The following CIAPIN1 variants were observed in gnomAD, a reference collection of about 807,000 sequenced individuals.
The protein encoded by CIAPIN1 is anamorsin.
CIAPIN1 carries 18 observed loss-of-function variants against 34.3 expected under a neutral mutation model. The observed-to-expected ratio is 0.52, with a 90% CI of 0.36 to 0.78. CIAPIN1 has a LOEUF of 0.78. Among genes scored for constraint, CIAPIN1 ranks in the 30% least tolerant of loss-of-function variants. The pLI is 0.00. For missense variants in CIAPIN1, 310 were observed against 372.5 expected, an observed-to-expected ratio of 0.83 and a Z score of 1.38; for synonymous variants, 131 against 140.4, an observed-to-expected ratio of 0.93 and a Z score of 0.47.
intron 1 of CIAPIN1, among the ~76,000 whole-genome samples, chr16:57,444,950 A>C (rs1173678288): frequency 6.6e-6 from 1 of 152,104 alleles, no homozygotes; most frequent in Non-Finnish European, 1.5e-5. Flanking sequence ...TACCTCTCCA[A>C]CTCTGACTGA....
At chr16:57,432,645 G>A in intron 5 of CIAPIN1, 85 bp from the exon 6 acceptor site, 4 of 1,254,822 alleles carry the variant, frequency 3.2e-6, no homozygotes, top group Non-Finnish European at 3.4e-6. Context: ...TTCCTGCTGT[G>A]TAGAAGAGAA....
At chr16:57,431,815 C>T (rs1321516139) in intron 6 of CIAPIN1, among the ~76,000 whole-genome samples, 3 of 152,168 alleles carry the variant, frequency 2.0e-5, no homozygotes, top group African/African-American at 4.8e-5. Context: ...AAATGAAGAA[C>T]TTTATTACAG....
At chr16:57,440,190 C>T (rs1356764564) in intron 2 of CIAPIN1, among the ~76,000 whole-genome samples, 5 of 152,176 alleles carry the variant, frequency 3.3e-5, no homozygotes, top group African/African-American at 1.2e-4. Context: ...ACTCCCAGGC[C>T]TGTTAGGACG....
At chr16:57,433,723 T>G in intron 5 of CIAPIN1, 1 of 346,380 alleles carries the variant, frequency 2.9e-6, no homozygotes, top group Non-Finnish European at 5.6e-6. Flanking sequence ...CTGTGAGGTC[T>G]TCTGAGGAGA....
intron 8 of CIAPIN1, 83 bp from the exon 9 acceptor site, chr16:57,429,363 G>T: frequency 1.2e-6 from 1 of 851,870 alleles, no homozygotes; most frequent in Non-Finnish European, 2.0e-6. Context: ...ATTTCATAAT[G>T]TGGCCACAGT....
Position 57,441,138 on chromosome 16 carries a change from C to A in CIAPIN1, c.-55-155G>T, listed in dbSNP as rs571285518. 45 of 394,598 alleles carry A rather than the reference C, an allele frequency of 1.1e-4. No homozygotes were observed. The South Asian group carries it at 2.5e-3, about 22-fold the overall frequency. 24.4% of individuals were successfully genotyped at this position (394,598 alleles called of 1,614,324 possible). A position where few individuals can be genotyped will look rare whatever the true frequency, so the allele number is the denominator to read the frequency against. ...TCTGAATACATGAACCCCATTATCT[C>A]AAGTCTTCATAAGCCCAACATTCCC... On this transcript the variant is annotated intron_variant, in intron 1 of 8. Coordinates refer to ENST00000394391, the MANE Select transcript of CIAPIN1 (RefSeq NM_020313.4).
intron 4 of CIAPIN1, among the ~76,000 whole-genome samples, chr16:57,435,838 A>G (rs923146980): frequency 6.6e-6 from 1 of 151,924 alleles, no homozygotes; most frequent in Non-Finnish European, 1.5e-5. Flanking sequence ...AAGGCCCTAC[A>G]TTATGTAAGA....
intron 4 of CIAPIN1, among the ~76,000 whole-genome samples, chr16:57,435,725 C>T (rs957440262): frequency 1.6e-4 from 24 of 152,214 alleles, no homozygotes; most frequent in African/African-American, 5.5e-4. Context: ...ACCCAGGAGG[C>T]GGATGATGCA....
In CIAPIN1 at chr16:57,428,465, G is replaced by T. The variant is rs1220730355; in HGVS notation, c.*705C>A. On this transcript the variant is annotated 3_prime_UTR_variant, in exon 9 of 9. Transcript: ENST00000394391. ...TGCGTGACACTAAGTTCCTCCAATGGTCCAAACTGAGCGTGGATGACTATC... is the reference window on the plus strand; with the variant it reads ...TGCGTGACACTAAGTTCCTCCAATGTTCCAAACTGAGCGTGGATGACTATC... The T allele has an allele frequency of 6.6e-6, 1 of 152,192 alleles. No individual in the cohort carries two copies. Among genetic ancestry groups the T allele is most frequent in the Non-Finnish European group, 1.5e-5 (1 of 68,066 alleles). 9.4% of individuals were successfully genotyped at this position (152,192 alleles called of 1,614,324 possible). A position where few individuals can be genotyped will look rare whatever the true frequency, so the allele number is the denominator to read the frequency against.
In CIAPIN1 at chr16:57,428,503, C is replaced by T. The variant is rs1484157681; in HGVS notation, c.*667G>A. The T allele has an allele frequency of 6.6e-6, 1 of 152,404 alleles. No homozygotes were observed. Among genetic ancestry groups the T allele is most frequent in the African/African-American group, 2.4e-5 (1 of 41,578 alleles). 9.4% of individuals were successfully genotyped at this position (152,404 alleles called of 1,614,324 possible). A position where few individuals can be genotyped will look rare whatever the true frequency, so the allele number is the denominator to read the frequency against. On this transcript the variant is annotated 3_prime_UTR_variant, in exon 9 of 9. Coordinates refer to ENST00000394391, the MANE Select transcript of CIAPIN1 (RefSeq NM_020313.4). ...GTGGATGACTATCCAACATCACACACAAATGCACATCCCCTCTCTTTACAA... is the reference window on the plus strand; with the variant it reads ...GTGGATGACTATCCAACATCACACATAAATGCACATCCCCTCTCTTTACAA...
chr16:57,443,679 G>C (rs2029938972), intron 1 of CIAPIN1, among the ~76,000 whole-genome samples: 1 of 152,122 alleles, frequency 6.6e-6, no homozygotes, highest in Non-Finnish European at 1.5e-5. Flanking sequence ...TCAAACTCCT[G>C]ACCTCAAGTG....
At chr16:57,430,156 G>C in intron 8 of CIAPIN1, 102 bp downstream of exon 8, 1 of 1,000,150 alleles carries the variant, frequency 1.0e-6, no homozygotes, top group Non-Finnish European at 1.6e-6. Context: ...GCATTCGTCT[G>C]TTACTAAAAT....
In CIAPIN1 at chr16:57,436,732, T is replaced by C; in HGVS notation, c.311A>G (p.Asp104Gly). 1 of 1,613,244 alleles carries C rather than the reference T, an allele frequency of 6.2e-7. No individual in the cohort carries two copies. The highest frequency in any genetic ancestry group is 1.1e-5 in the South Asian group (1 of 91,040). The change falls in exon 4 of 9, where the codon GAT becomes GGT. Residue 104 changes from aspartate to glycine, a missense_variant and splice_region_variant. By Grantham distance (94) the Asp-to-Gly change is moderately conservative. Coordinates refer to ENST00000394391, the MANE Select transcript of CIAPIN1 (RefSeq NM_020313.4). Reference protein sequence around the residue: ...FLKEPVETAVDNNSKVKTASK... With the variant: ...FLKEPVETAVGNNSKVKTASK... ...TGCTGTCTTCACTTTGCTATTGTTA[T>C]CTGCCAAAAGGAAAATCCCAATTAA...
intron 5 of CIAPIN1, among the ~76,000 whole-genome samples, chr16:57,433,419 G>A (rs1237077432): frequency 6.6e-6 from 1 of 152,130 alleles, no homozygotes; most frequent in African/African-American, 2.4e-5. Flanking sequence ...AGTCAAAACC[G>A]TACAAGTGGG....
intron 5 of CIAPIN1, 63 bp from the exon 6 acceptor site, chr16:57,432,623 A>G (rs1785058495): frequency 7.0e-7 from 1 of 1,426,756 alleles, no homozygotes; most frequent in Non-Finnish European, 9.8e-7. Flanking sequence ...AATTACAAAC[A>G]TACATAAATG....
chr16:57,439,648 TC>T (rs1696141044), intron 2 of CIAPIN1, among the ~76,000 whole-genome samples: 1 of 152,204 alleles, frequency 6.6e-6, no homozygotes, highest in African/African-American at 2.4e-5. Context: ...ATTTATTAGT[TC>T]CCCAAATTAA....
rs1903013241 is a variant in CIAPIN1 at position 57,428,862 on chromosome 16, G to A, written c.*308C>T. The A allele has an allele frequency of 3.8e-6, 1 of 263,632 alleles. No individual in the cohort carries two copies. Among genetic ancestry groups the A allele is most frequent in the African/African-American group, 2.2e-5 (1 of 45,038 alleles). 16.3% of individuals were successfully genotyped at this position (263,632 alleles called of 1,614,324 possible). A position where few individuals can be genotyped will look rare whatever the true frequency, so the allele number is the denominator to read the frequency against. ...AATGCTCAACGATGCCTGGGCTCAA[G>A]AGCGTTCTGGTCAGCATTTTAACAT... On this transcript the variant is annotated 3_prime_UTR_variant, in exon 9 of 9. Transcript: ENST00000394391.
chr16:57,432,460 A>T (rs1349207572), intron 6 of CIAPIN1, 27 bp downstream of exon 6: 1 of 1,609,980 alleles, frequency 6.2e-7, no homozygotes, highest in Non-Finnish European at 8.5e-7. Flanking sequence ...GAAAGAAAGC[A>T]ATCAAGTGAC....
Position 57,429,230 on chromosome 16 carries a change from C to T in CIAPIN1, c.879G>A (p.Met293Ile), listed in dbSNP as rs184348622. ...FRCASCPYLG[M>I]PAFKPGEKVL... ...CCTTTTCCCCAGGTTTGAAGGCTGG[C>T]ATCCCAAGGTAGGGGCAGCTGGCAC... is the stretch of plus-strand genomic sequence containing the variant. Residue 293 changes from methionine to isoleucine, a missense_variant, in exon 9 of 9, where the codon ATG becomes ATA. Met to Ile is a conservative substitution (Grantham distance 10, BLOSUM62 1). Coordinates refer to ENST00000394391, the MANE Select transcript of CIAPIN1 (RefSeq NM_020313.4). The T allele has an allele frequency of 6.2e-7, 1 of 1,613,928 alleles. No homozygotes were observed. Among genetic ancestry groups the T allele is most frequent in the Admixed American group, 1.7e-5 (1 of 60,020 alleles).
Sources: allele counts gnomAD v4.1 joint callset (sites outside exome capture counted in the v4.1 genomes callset), GRCh38; gene constraint gnomAD v4.1.1; transcripts MANE v1.5; gene names NCBI Gene and HGNC (gene_info 2026-07-23, HGNC 2026-07-21).